The following CYP4F22 variants were observed in gnomAD, a reference collection of about 807,000 sequenced individuals.
CYP4F22 encodes cytochrome P450 family 4 subfamily F member 22.
Under a neutral mutation model 60.4 loss-of-function variants are expected in CYP4F22, and 37 were observed. The observed-to-expected ratio is 0.61, with a 90% CI of 0.47 to 0.81. The LOEUF (loss-of-function observed/expected upper bound fraction) is 0.81, where lower values mean the gene tolerates loss of function less well. CYP4F22 is among the 30% of genes least tolerant of loss of function. The pLI is 0.00. For synonymous variants in CYP4F22, 258 were observed against 280.5 expected, an observed-to-expected ratio of 0.92 and a Z score of 0.80; for missense variants, 655 against 715.0, an observed-to-expected ratio of 0.92 and a Z score of 0.96.
intron 12 of CYP4F22, 117 bp from the exon 13 acceptor site, chr19:15,550,557 G>C (rs1182672778): frequency 1.1e-6 from 1 of 945,538 alleles, no homozygotes; most frequent in African/African-American, 1.6e-5. Flanking sequence ...GAATGGAAGA[G>C]GTGGCCCTGG....
intron 10 of CYP4F22, among the ~76,000 whole-genome samples, chr19:15,545,415 A>AG (rs1568363078): frequency 1.3e-5 from 2 of 151,930 alleles, no homozygotes; most frequent in African/African-American, 4.8e-5. Flanking sequence ...TGGGAGGCCG[A>AG]GGGGGGTGGA....
intron 10 of CYP4F22, among the ~76,000 whole-genome samples, chr19:15,546,877 A>AT (rs1971531934): frequency 6.6e-6 from 1 of 151,640 alleles, no homozygotes; most frequent in African/African-American, 2.4e-5. Flanking sequence ...TGCCCAGCTA[A>AT]TTTTTTAACT....
Position 15,551,932 on chromosome 19 carries a change from A to C in CYP4F22, c.*461A>C. On this transcript the variant is annotated 3_prime_UTR_variant, in exon 14 of 14. Transcript: ENST00000269703. ...GGCTGAACCCCTGGCAGGCTTCCAAACTGAGGAAAGCTGGAGCCTGACGTC... is the reference window on the plus strand; with the variant it reads ...GGCTGAACCCCTGGCAGGCTTCCAACCTGAGGAAAGCTGGAGCCTGACGTC... 5.9e-6 allele frequency: 1 copy of C among 169,552 alleles called. No homozygotes were observed. 10.5% of individuals were successfully genotyped at this position (169,552 alleles called of 1,614,324 possible).
intron 1 of CYP4F22, among the ~76,000 whole-genome samples, chr19:15,513,920 T>C (rs1209441173): frequency 1.3e-5 from 2 of 152,218 alleles, no homozygotes; most frequent in African/African-American, 4.8e-5. Flanking sequence ...TCGAGCACTC[T>C]GGAAAATCAG....
At chr19:15,518,559 G>T (rs1971182155) in intron 1 of CYP4F22, among the ~76,000 whole-genome samples, 1 of 143,384 alleles carries the variant, frequency 7.0e-6, no homozygotes, top group Non-Finnish European at 1.5e-5. Flanking sequence ...TGAGGCAGGA[G>T]AATAGTGTGA....
intron 1 of CYP4F22, among the ~76,000 whole-genome samples, chr19:15,522,018 G>C (rs1971232108): frequency 1.3e-5 from 2 of 151,952 alleles, no homozygotes; most frequent in Middle Eastern, 3.2e-3. Context: ...GGTGGCGGGT[G>C]CCTATAATCC....
intron 1 of CYP4F22, among the ~76,000 whole-genome samples, chr19:15,511,622 C>T (rs991117899): frequency 8.6e-5 from 13 of 151,986 alleles, no homozygotes; most frequent in Admixed American, 3.3e-4. Flanking sequence ...TCAGTGGGGA[C>T]GGGGGCAGGC....
intron 3 of CYP4F22, among the ~76,000 whole-genome samples, chr19:15,526,176 A>G (rs1971280857): frequency 6.6e-6 from 1 of 152,038 alleles, no homozygotes; most frequent in South Asian, 2.1e-4. Context: ...CTAAGGAAAA[A>G]AAAAAGAACT....
intron 4 of CYP4F22, among the ~76,000 whole-genome samples, chr19:15,531,903 A>C (rs1385111845): frequency 6.6e-6 from 1 of 151,972 alleles, no homozygotes; most frequent in Non-Finnish European, 1.5e-5. Context: ...CCAGGAGTTC[A>C]AGACCAGCCT....
chr19:15,530,845 A>G lies in CYP4F22; in HGVS notation c.367+992A>G, dbSNP rs1037936668. ...ATGACACATAGGGATTATCGGAATTATAATTCAAAATGAAATTTAGATGGG... is the reference window on the plus strand; with the variant it reads ...ATGACACATAGGGATTATCGGAATTGTAATTCAAAATGAAATTTAGATGGG... On this transcript the variant is annotated intron_variant, in intron 4 of 13. Transcript: ENST00000269703. Among the ~76,000 whole-genome samples, 3 of 152,178 alleles carry G rather than the reference A, an allele frequency of 2.0e-5. 1 individual carries two copies. In the East Asian group the frequency reaches 5.8e-4, roughly 29 times the overall value.
chr19:15,551,308 A>G lies in CYP4F22; in HGVS notation c.1433A>G (p.Gln478Arg). 6.2e-7 allele frequency: 1 copy of G among 1,613,054 alleles called. No homozygotes were observed. Among genetic ancestry groups the G allele is most frequent in the Non-Finnish European group, 8.5e-7 (1 of 1,179,580 alleles). Reference protein sequence around the residue: ...FSAGPRNCIGQSFAMAELRVV... With the variant: ...FSAGPRNCIGRSFAMAELRVV... ...TCTTCCTCCAGGAATTGCATCGGAC[A>G]GAGCTTCGCCATGGCCGAGTTGCGC... Residue 478 changes from glutamine to arginine, a missense_variant, in exon 14 of 14, where the codon CAG becomes CGG. Around this residue, in one of 3 missense-constraint regions of CYP4F22, gnomAD observed 151 missense variants for 139.4 expected, o/e 1.08. Coordinates refer to ENST00000269703, the MANE Select transcript of CYP4F22 (RefSeq NM_173483.4).
chr19:15,543,796 G>A (rs1235750665), intron 8 of CYP4F22, among the ~76,000 whole-genome samples, 175 bp from the exon 9 acceptor site: 1 of 151,128 alleles, frequency 6.6e-6, no homozygotes, highest in Non-Finnish European at 1.5e-5. Flanking sequence ...GTCGGAGGCT[G>A]CAGTTAGCCG....
chr19:15,515,276 A>G (rs1012491876), intron 1 of CYP4F22: 7 of 943,338 alleles, frequency 7.4e-6, no homozygotes, highest in Admixed American at 1.8e-5. Context: ...CAAATTTTCA[A>G]AGCAGTTTTA....
chr19:15,544,755 C>T (rs1971502065), intron 10 of CYP4F22, among the ~76,000 whole-genome samples: 1 of 152,246 alleles, frequency 6.6e-6, no homozygotes, highest in Non-Finnish European at 1.5e-5. Context: ...CACAAAAAGC[C>T]ATGAAATTTA....
Position 15,528,697 on chromosome 19 carries a change from T to G in CYP4F22, c.223-1012T>G, listed in dbSNP as rs1190725278. 2.0e-5 allele frequency among the ~76,000 whole-genome samples: 3 copies of G among 152,210 alleles called. No individual in the cohort carries two copies. The East Asian group carries it at 5.8e-4, about 29-fold the overall frequency. On this transcript the variant is annotated intron_variant, in intron 3 of 13. Transcript: ENST00000269703. ...AACCAGAACAGTCACCTACTTAACTTGCAACTTCAGAAAAACCATTCGACC... is the reference window on the plus strand; with the variant it reads ...AACCAGAACAGTCACCTACTTAACTGGCAACTTCAGAAAAACCATTCGACC...
intron 1 of CYP4F22, among the ~76,000 whole-genome samples, chr19:15,510,966 A>ATATATATATTTTTT (rs34055543): frequency 3.7e-4 from 38 of 103,300 alleles, no homozygotes; most frequent in African/African-American, 1.5e-3. Context: ...ATATATATAT[A>ATATATATATTTTTT]TTTTTTTTTT....
At chr19:15,542,460 C>T (rs1971474486) in intron 8 of CYP4F22, among the ~76,000 whole-genome samples, 1 of 152,116 alleles carries the variant, frequency 6.6e-6, no homozygotes, top group Admixed American at 6.5e-5. Context: ...TCGCTTGAAC[C>T]CTGGAGGCAG....
chr19:15,532,114 TA>T (rs201371896), intron 4 of CYP4F22, among the ~76,000 whole-genome samples: 239 of 149,370 alleles, frequency 1.6e-3, no homozygotes, highest in Non-Finnish European at 2.4e-3. Flanking sequence ...CTAAAAAAAT[TA>T]AAAAAAAAAT....
At chr19:15,520,115 C>A (rs148085339) in intron 1 of CYP4F22, among the ~76,000 whole-genome samples, 2 of 152,028 alleles carry the variant, frequency 1.3e-5, no homozygotes, top group Admixed American at 1.3e-4. Flanking sequence ...GAGGCCGAGG[C>A]GAGCAGATCA....
Sources: allele counts gnomAD v4.1 joint callset (sites outside exome capture counted in the v4.1 genomes callset), GRCh38; gene constraint gnomAD v4.1.1; regional missense constraint gnomAD v4.1.1; transcripts MANE v1.5; gene names NCBI Gene and HGNC (gene_info 2026-07-23, HGNC 2026-07-21).